The following LDLRAD3 variants were observed in gnomAD, a reference collection of about 807,000 sequenced individuals.
LDLRAD3 encodes low-density lipoprotein receptor class A domain-containing protein 3.
Under a neutral mutation model 29.4 loss-of-function variants are expected in LDLRAD3, and 20 were observed. The observed-to-expected ratio is 0.68, with a 90% confidence interval of 0.48 to 0.99. The LOEUF (loss-of-function observed/expected upper bound fraction) is 0.99, where lower values mean the gene tolerates loss of function less well. LDLRAD3 is among the 50% of genes least tolerant of loss of function. LDLRAD3 has a pLI of 0.00. For synonymous variants in LDLRAD3, 157 were observed against 192.7 expected (o/e 0.81, Z 1.53); for missense variants, 420 against 454.3 (o/e 0.92, Z 0.69).
intron 1 of LDLRAD3, among the ~76,000 whole-genome samples, chr11:35,973,709 G>GAC (rs765316841): frequency 2.0e-5 from 3 of 152,046 alleles, no homozygotes; most frequent in Non-Finnish European, 4.4e-5. Flanking sequence ...GACCTTAGGT[G>GAC]ATATGCCCAC....
intron 4 of LDLRAD3, among the ~76,000 whole-genome samples, chr11:36,142,565 T>C (rs1854101022): frequency 6.6e-6 from 1 of 152,182 alleles, no homozygotes; most frequent in Non-Finnish European, 1.5e-5. Flanking sequence ...CAGTGCATGC[T>C]GAACCCACTG....
chr11:36,003,198 G>C (rs1188912208), intron 1 of LDLRAD3, among the ~76,000 whole-genome samples: 1 of 152,220 alleles, frequency 6.6e-6, no homozygotes, highest in Non-Finnish European at 1.5e-5. Flanking sequence ...TAATGGCCAA[G>C]CCTGATCTTA....
At chr11:36,058,931 C>G (rs1852660140) in intron 2 of LDLRAD3, among the ~76,000 whole-genome samples, 1 of 152,186 alleles carries the variant, frequency 6.6e-6, no homozygotes, top group Non-Finnish European at 1.5e-5. Flanking sequence ...ATTCACAGCT[C>G]TCTGTCTTCC....
At chr11:35,952,671 T>C (rs11033342) in intron 1 of LDLRAD3, among the ~76,000 whole-genome samples, 3,484 of 152,318 alleles carry the variant, frequency 0.023, 60 homozygotes, top group Middle Eastern at 0.071. Context: ...CAATTTCTTT[T>C]CAGCACTTCC....
At chr11:36,176,199 G>A (rs1854673389) in intron 4 of LDLRAD3, among the ~76,000 whole-genome samples, 1 of 152,156 alleles carries the variant, frequency 6.6e-6, no homozygotes, top group Non-Finnish European at 1.5e-5. Flanking sequence ...TTATGTGTTA[G>A]GTGAGTCTCT....
intron 1 of LDLRAD3, among the ~76,000 whole-genome samples, chr11:35,986,315 GAAGAA>G (rs1851614680): frequency 6.6e-6 from 1 of 152,176 alleles, no homozygotes; most frequent in African/African-American, 2.4e-5. Flanking sequence ...CTTTGATATA[GAAGAA>G]AAGAAATGTG....
chr11:36,018,646 A>G (rs1852053549), intron 1 of LDLRAD3, among the ~76,000 whole-genome samples: 1 of 152,174 alleles, frequency 6.6e-6, no homozygotes, highest in South Asian at 2.1e-4. Context: ...TAAGCTCATT[A>G]TAAATTGTGC....
intron 4 of LDLRAD3, among the ~76,000 whole-genome samples, chr11:36,175,355 G>C (rs1854660120): frequency 6.6e-6 from 1 of 152,024 alleles, no homozygotes. Flanking sequence ...TGCTGGGCTT[G>C]GGTTTGCTTT....
At chr11:36,107,260 G>C (rs535422590) in intron 4 of LDLRAD3, among the ~76,000 whole-genome samples, 53 of 151,826 alleles carry the variant, frequency 3.5e-4, no homozygotes, top group African/African-American at 1.2e-3. Flanking sequence ...GAGTGCAATG[G>C]CGCGATCTTG....
intron 4 of LDLRAD3, among the ~76,000 whole-genome samples, chr11:36,124,757 T>A (rs1240193782): frequency 6.6e-6 from 1 of 151,634 alleles, no homozygotes; most frequent in African/African-American, 2.4e-5. Flanking sequence ...AGTGGCATGA[T>A]CTTGGCTCAC....
At chr11:36,111,762 G>T (rs1853608840) in intron 4 of LDLRAD3, among the ~76,000 whole-genome samples, 1 of 152,152 alleles carries the variant, frequency 6.6e-6, no homozygotes. Flanking sequence ...ACCACACCCG[G>T]CTAATTTTTA....
intron 1 of LDLRAD3, among the ~76,000 whole-genome samples, chr11:35,961,797 T>G (rs1257722778): frequency 6.6e-6 from 1 of 152,230 alleles, no homozygotes; most frequent in Non-Finnish European, 1.5e-5. Flanking sequence ...ATTTACGGGG[T>G]ACATGAGATG....
intron 1 of LDLRAD3, among the ~76,000 whole-genome samples, chr11:36,035,785 G>T (rs1045881144): frequency 2.6e-5 from 4 of 152,162 alleles, no homozygotes; most frequent in African/African-American, 7.2e-5. Context: ...TTTAACCACT[G>T]CTGATGGCCA....
chr11:35,957,826 GA>G (rs1303386087), intron 1 of LDLRAD3, among the ~76,000 whole-genome samples: 1 of 132,424 alleles, frequency 7.6e-6, no homozygotes, highest in Non-Finnish European at 1.6e-5. Flanking sequence ...GAAAAGAAAA[GA>G]AAAAAATACA....
At chr11:36,063,049 G>A (rs2133235827) in intron 2 of LDLRAD3, among the ~76,000 whole-genome samples, 1 of 152,282 alleles carries the variant, frequency 6.6e-6, no homozygotes, top group Admixed American at 6.5e-5. Flanking sequence ...GATCTGGTGA[G>A]TTTCAGCTCT....
At chr11:36,209,339 T>G (rs964594691) in intron 4 of LDLRAD3, among the ~76,000 whole-genome samples, 1 of 150,582 alleles carries the variant, frequency 6.6e-6, no homozygotes, top group Non-Finnish European at 1.5e-5. Context: ...GATGAAGGAT[T>G]TGCAGAAACT....
At chr11:35,951,736 A>G (rs184701106) in intron 1 of LDLRAD3, among the ~76,000 whole-genome samples, 1 of 152,334 alleles carries the variant, frequency 6.6e-6, no homozygotes, top group African/African-American at 2.4e-5. Flanking sequence ...GCCACATTTT[A>G]ACATCATCTT....
chr11:36,046,016 A>G (rs766594262), intron 2 of LDLRAD3, among the ~76,000 whole-genome samples: 63 of 151,060 alleles, frequency 4.2e-4, no homozygotes, highest in Non-Finnish European at 8.1e-4. Context: ...CCCTGTGTCT[A>G]TGCATACCCA....
At chr11:36,202,274 G>A (rs1170184423) in intron 4 of LDLRAD3, among the ~76,000 whole-genome samples, 1 of 152,110 alleles carries the variant, frequency 6.6e-6, no homozygotes, top group Non-Finnish European at 1.5e-5. Flanking sequence ...CTGACCTCAG[G>A]TGATCCACCC....
Sources: gnomAD v4.1 joint callset for allele counts (sites outside exome capture counted in the v4.1 genomes callset) on GRCh38, gnomAD v4.1.1 for gene constraint, MANE v1.5 for transcripts, NCBI Gene and HGNC (gene_info 2026-07-23, HGNC 2026-07-21) for gene names.